CCDC38: variants seen among roughly 807,000 people sequenced by gnomAD.
CCDC38 encodes coiled-coil domain containing 38.
CCDC38 carries 69 observed loss-of-function variants against 72.8 expected under a neutral mutation model. That is an observed-to-expected ratio of 0.95 (90% CI 0.78 to 1.16). The LOEUF (loss-of-function observed/expected upper bound fraction) is 1.16, where lower values mean the gene tolerates loss of function less well. CCDC38 is among the 50% of genes most tolerant of loss of function. The pLI is 0.00. For synonymous variants in CCDC38, 201 were observed against 213.2 expected (o/e 0.94, Z 0.50); for missense variants, 626 against 638.9 (o/e 0.98, Z 0.22).
At chr12:95,899,996 A>G (rs1235936669) in intron 5 of CCDC38, among the ~76,000 whole-genome samples, 1 of 152,180 alleles carries the variant, frequency 6.6e-6, no homozygotes, top group Non-Finnish European at 1.5e-5. Context: ...CAGAGACTGG[A>G]AGGAAGTAGG....
At position 95,878,434 on chromosome 12, in the gene CCDC38, G is replaced by A. The variant is rs1024117861; in HGVS notation, c.1143-88C>T. ...CAGGAGCTTTAACACTCTAGATCAT[G>A]TGTCAAAATCCATGTAGTGAGCCAA... On this transcript the variant is annotated intron_variant, in intron 12 of 15. Coordinates refer to ENST00000344280, the MANE Select transcript of CCDC38 (RefSeq NM_182496.3). The A allele has an allele frequency of 6.1e-6, 8 of 1,321,290 alleles. No individual in the cohort carries two copies. The Admixed American group carries it at 1.0e-4, about 17-fold the overall frequency. The allele number at this position is 1,321,290 out of a possible 1,614,324, so 81.8% of individuals were successfully genotyped here.
Position 95,869,480 on chromosome 12 carries a change from CTT to C in CCDC38, c.1576_1577del (p.Lys526ValfsTer15). The C allele has an allele frequency of 1.9e-6, 3 of 1,611,092 alleles. No individual in the cohort carries two copies. The highest frequency in any genetic ancestry group is 2.5e-6 in the Non-Finnish European group (3 of 1,178,634). ...TGGATCTATTAATAGCAAAACAAAC[CTT>C]TTTCTTTGGTTGTGCTACTGCTTTT... ...LEKAVAQPKK[K>X]LGRRLVFHSK... On this transcript the variant is annotated frameshift_variant and splice_region_variant, in exon 15 of 16. Coordinates refer to ENST00000344280, the MANE Select transcript of CCDC38 (RefSeq NM_182496.3). LOFTEE classifies it low-confidence loss of function (END_TRUNC).
At chr12:95,931,545 A>G (rs2080339446) in intron 2 of CCDC38, among the ~76,000 whole-genome samples, 1 of 152,092 alleles carries the variant, frequency 6.6e-6, no homozygotes, top group Non-Finnish European at 1.5e-5. Flanking sequence ...GTCTTGTCCT[A>G]ATTCTTCTAT....
intron 5 of CCDC38, among the ~76,000 whole-genome samples, chr12:95,899,731 G>A (rs1226453953): frequency 2.0e-5 from 3 of 152,158 alleles, no homozygotes; most frequent in Non-Finnish European, 4.4e-5. Context: ...GACCCTCCAA[G>A]TTTATAGCAA....
rs769620263 is a variant in CCDC38, at chr12:95,869,578, C to T, written c.1485-5G>A. On this transcript the variant is annotated splice_region_variant and splice_polypyrimidine_tract_variant and intron_variant, in intron 14 of 15. Transcript: ENST00000344280. Reference sequence around the variant, plus strand: ...TTCATTTTCTCATCACGAAACCTGTCACAAGAAGGGAGAAACATTCTTGTA... The same window carrying T: ...TTCATTTTCTCATCACGAAACCTGTTACAAGAAGGGAGAAACATTCTTGTA... 1.4e-5 allele frequency: 22 copies of T among 1,605,248 alleles called. No homozygotes were observed. The highest frequency in any genetic ancestry group is 1.9e-5 in the Non-Finnish European group (22 of 1,173,220).
intron 1 of CCDC38, among the ~76,000 whole-genome samples, chr12:95,941,928 CTAACTGATCTCTCTTTTA>C (rs1253685189): frequency 6.9e-6 from 1 of 144,776 alleles, no homozygotes; most frequent in Non-Finnish European, 1.5e-5. Context: ...TTTCTCTTTC[CTAACTGATCTCTCTTTTA>C]TAGGCCATAA....
intron 7 of CCDC38, 148 bp downstream of exon 7, chr12:95,898,237 G>A (rs2079911789): frequency 2.6e-6 from 2 of 772,268 alleles, no homozygotes; most frequent in Non-Finnish European, 4.3e-6. Context: ...AAATCTTGAT[G>A]GACAGGTTAC....
chr12:95,874,441 G>A (rs1182960871), intron 13 of CCDC38, among the ~76,000 whole-genome samples: 1 of 152,112 alleles, frequency 6.6e-6, no homozygotes, highest in Non-Finnish European at 1.5e-5. Flanking sequence ...TGAGAGGAGA[G>A]AAAATGGCGA....
intron 1 of CCDC38, among the ~76,000 whole-genome samples, chr12:95,940,926 A>C (rs1360472462): frequency 6.6e-6 from 1 of 152,158 alleles, no homozygotes; most frequent in Non-Finnish European, 1.5e-5. Flanking sequence ...GGAAGGAAGG[A>C]TGGGTTAAGG....
intron 4 of CCDC38, among the ~76,000 whole-genome samples, chr12:95,908,464 A>C (rs1466542438): frequency 0.083 from 1 of 12 alleles, no homozygotes; most frequent in African/African-American, 0.5. Flanking sequence ...GGAGAGGGAG[A>C]GGGAGAGGGA....
intron 2 of CCDC38, 119 bp downstream of exon 2, chr12:95,936,354 T>A: frequency 1.1e-6 from 1 of 910,532 alleles, no homozygotes; most frequent in Non-Finnish European, 1.6e-6. Context: ...AGGTAGTTTA[T>A]AAACTCATTA....
chr12:95,869,598 C>T (rs56236436), intron 14 of CCDC38, 25 bp from the exon 15 acceptor site: 112,322 of 1,543,488 alleles, frequency 0.073, 4,632 homozygotes, highest in Non-Finnish European at 0.086. Flanking sequence ...GAGAAACATT[C>T]TTGTAACTAT....
intron 5 of CCDC38, among the ~76,000 whole-genome samples, chr12:95,901,731 G>A (rs1035315219): frequency 6.6e-6 from 1 of 152,208 alleles, no homozygotes; most frequent in Non-Finnish European, 1.5e-5. Flanking sequence ...TTAAATAAAA[G>A]GAATACTGTG....
chr12:95,923,254 T>A (rs2080228375), intron 2 of CCDC38, among the ~76,000 whole-genome samples: 1 of 152,108 alleles, frequency 6.6e-6, no homozygotes, highest in South Asian at 2.1e-4. Flanking sequence ...TCAGCCTCCA[T>A]AATTATATGA....
In CCDC38 at chr12:95,898,707, T is replaced by C. The variant is rs113131364; in HGVS notation, c.394A>G (p.Thr132Ala). The part of the protein sequence containing the change: ...LEYALSTKRN[T>A]IKKFEKDIAM... The stretch of plus-strand genomic sequence containing the variant: ...ATGTCTTTTTCAAACTTTTTGATTG[T>C]GTTTCTTTTGGTTGACAAAGCATAC... Residue 132 changes from threonine (T) to alanine (A), a missense_variant, in exon 6 of 16, where the codon ACA becomes GCA. Physicochemically the swap from Thr to Ala is moderately conservative, Grantham distance 58. Coordinates refer to ENST00000344280, the MANE Select transcript of CCDC38 (RefSeq NM_182496.3). 1.4e-5 allele frequency: 22 copies of C among 1,613,870 alleles called. 2 individuals are homozygous for C. In the African/African-American group the frequency reaches 1.5e-4, roughly 11 times the overall value.
At chr12:95,876,083 G>T (rs2121419223) in intron 13 of CCDC38, among the ~76,000 whole-genome samples, 1 of 152,144 alleles carries the variant, frequency 6.6e-6, no homozygotes, top group Non-Finnish European at 1.5e-5. Context: ...AACAATATAT[G>T]GTATAAACAT....
At chr12:95,868,993 TG>T (rs2121403043) in intron 15 of CCDC38, among the ~76,000 whole-genome samples, 1 of 152,278 alleles carries the variant, frequency 6.6e-6, no homozygotes, top group South Asian at 2.1e-4. Context: ...AAAACATTAC[TG>T]AGTGAAAGAA....
At chr12:95,930,367 G>A (rs968458274) in intron 2 of CCDC38, among the ~76,000 whole-genome samples, 7 of 150,740 alleles carry the variant, frequency 4.6e-5, no homozygotes, top group African/African-American at 1.7e-4. Context: ...GGTTCCTTCT[G>A]GAGGCTCTGA....
upstream of CCDC38, chr12:95,943,155 G>A (rs150317088): frequency 4.1e-6 from 2 of 486,802 alleles, no homozygotes; most frequent in East Asian, 3.7e-5. Context: ...ACTCGGGATG[G>A]GACAAGACGA....
Sources: gnomAD v4.1 joint callset for allele counts (sites outside exome capture counted in the v4.1 genomes callset) on GRCh38, gnomAD v4.1.1 for gene constraint, MANE v1.5 for transcripts, NCBI Gene and HGNC (gene_info 2026-07-23, HGNC 2026-07-21) for gene names.